The following MATCAP2 variants were observed in gnomAD, a reference collection of about 807,000 sequenced individuals.
The protein encoded by MATCAP2 is putative tyrosine carboxypeptidase MATCAP2.
the MATCAP2 span, among the ~76,000 whole-genome samples, chr7:36,371,896 A>C: frequency 1.3e-5 from 2 of 151,830 alleles, no homozygotes; most frequent in East Asian, 3.9e-4. Flanking sequence ...GGCACTTTTT[A>C]TAGAAATGGG....
the MATCAP2 span, among the ~76,000 whole-genome samples, chr7:36,342,294 C>G: frequency 6.6e-6 from 1 of 152,080 alleles, no homozygotes; most frequent in Non-Finnish European, 1.5e-5. Context: ...ATTCTCCTGC[C>G]TCAGCCTCCC....
chr7:36,383,830 TAA>T, the MATCAP2 span: 1 of 1,456,330 alleles, frequency 6.9e-7, no homozygotes, highest in South Asian at 1.2e-5. Flanking sequence ...TTAAAAAGTG[TAA>T]AAGAAGTGGC....
the MATCAP2 span, chr7:36,367,043 G>C: frequency 3.9e-6 from 5 of 1,276,544 alleles, no homozygotes; most frequent in East Asian, 1.6e-4. Flanking sequence ...GGTGGCGGGG[G>C]CGCGGCGGGA....
chr7:36,335,468 C>T, the MATCAP2 span, among the ~76,000 whole-genome samples: 391 of 152,292 alleles, frequency 2.6e-3, no homozygotes, highest in African/African-American at 9.2e-3. Flanking sequence ...TAAATACGCT[C>T]CCTGACTAAA....
the MATCAP2 span, among the ~76,000 whole-genome samples, chr7:36,329,750 CCATT>C: frequency 2.6e-5 from 4 of 152,146 alleles, no homozygotes; most frequent in African/African-American, 9.7e-5. Flanking sequence ...AGGGAATAGT[CCATT>C]CATAAATATC....
At chr7:36,366,680 C>A in the MATCAP2 span, 4 of 1,533,496 alleles carry the variant, frequency 2.6e-6, no homozygotes, top group Non-Finnish European at 3.5e-6. Context: ...ATCTTTTCCA[C>A]GAGATTCCAC....
chr7:36,347,819 C>T, the MATCAP2 span, among the ~76,000 whole-genome samples: 4 of 152,134 alleles, frequency 2.6e-5, no homozygotes, highest in Admixed American at 2.6e-4. Context: ...CATTCCTCTC[C>T]TTTTCAGAAA....
At chr7:36,389,215 C>G in the MATCAP2 span, among the ~76,000 whole-genome samples, 1 of 151,932 alleles carries the variant, frequency 6.6e-6, no homozygotes, top group East Asian at 1.9e-4. Context: ...CACGCGCCAC[C>G]ATGCCTATCT....
chr7:36,387,119 T>G, the MATCAP2 span, among the ~76,000 whole-genome samples: 7 of 152,282 alleles, frequency 4.6e-5, no homozygotes, highest in Admixed American at 3.3e-4. Flanking sequence ...AAGATATTAT[T>G]GGGCCAGAAA....
At chr7:36,324,274 A>AAGAT in the MATCAP2 span, 2 of 152,246 alleles carry the variant, frequency 1.3e-5, no homozygotes, top group African/African-American at 4.8e-5. Context: ...AAGATGCCCA[A>AAGAT]AGATATACAA....
chr7:36,386,120 A>C, the MATCAP2 span, among the ~76,000 whole-genome samples: 1 of 151,904 alleles, frequency 6.6e-6, no homozygotes, highest in East Asian at 1.9e-4. Flanking sequence ...AGGCCACTGC[A>C]CTCCAGCCTT....
the MATCAP2 span, among the ~76,000 whole-genome samples, chr7:36,384,737 T>C: frequency 6.6e-6 from 1 of 151,600 alleles, no homozygotes; most frequent in East Asian, 1.9e-4. Context: ...TAGGCCCAAA[T>C]AACGAGGAGC....
the MATCAP2 span, among the ~76,000 whole-genome samples, chr7:36,376,919 C>CTTTTTTATT: frequency 1.3e-5 from 2 of 152,070 alleles, no homozygotes; most frequent in African/African-American, 2.4e-5. Context: ...GCAACCCCTG[C>CTTTTTTATT]TTTTTTATTT....
chr7:36,357,664 G>A, the MATCAP2 span: 6 of 1,116,292 alleles, frequency 5.4e-6, no homozygotes, highest in East Asian at 1.2e-4. Context: ...TATTAGGAAA[G>A]GTATTCTGAA....
the MATCAP2 span, among the ~76,000 whole-genome samples, chr7:36,380,056 G>A: frequency 3.9e-5 from 6 of 152,096 alleles, no homozygotes; most frequent in African/African-American, 1.4e-4. Flanking sequence ...GTACTGAGGT[G>A]GATGATGACC....
At chr7:36,340,940 AG>A in the MATCAP2 span, among the ~76,000 whole-genome samples, 2 of 152,242 alleles carry the variant, frequency 1.3e-5, no homozygotes, top group Non-Finnish European at 2.9e-5. Flanking sequence ...TAAAAGGCAC[AG>A]GGAAGCTTGG....
At chr7:36,356,939 G>A in the MATCAP2 span, 12 of 1,614,106 alleles carry the variant, frequency 7.4e-6, no homozygotes, top group East Asian at 2.7e-4. Flanking sequence ...GCTATGCTTA[G>A]CTAATACGCT....
At chr7:36,330,632 G>A in the MATCAP2 span, among the ~76,000 whole-genome samples, 147,691 of 152,276 alleles carry the variant, frequency 0.97, 71,792 homozygotes, top group East Asian at 1. Flanking sequence ...ACAAAATCAT[G>A]TCGTAATGTC....
chr7:36,356,925 C>A, the MATCAP2 span: 2 of 1,614,124 alleles, frequency 1.2e-6, no homozygotes, highest in Non-Finnish European at 8.5e-7. Context: ...CGGTCAGATG[C>A]GTGGCTATGC....
Sources: allele counts gnomAD v4.1 joint callset (sites outside exome capture counted in the v4.1 genomes callset), GRCh38; gene constraint gnomAD v4.1.1; transcripts MANE v1.5; gene names NCBI Gene and HGNC (gene_info 2026-07-23, HGNC 2026-07-21).